Variants in GRID2 observed in about 807,000 individuals in gnomAD.
The protein encoded by GRID2 is glutamate receptor ionotropic, delta-2.
Under a neutral mutation model 114.8 loss-of-function variants are expected in GRID2, and 33 were observed. The observed-to-expected ratio is 0.29, with a 90% CI of 0.22 to 0.38. The LOEUF (loss-of-function observed/expected upper bound fraction) is 0.38, where lower values mean the gene tolerates loss of function less well. Ranked by LOEUF, GRID2 falls within the 10% of genes least tolerant of loss-of-function variation. The probability of loss-of-function intolerance (pLI) is 1.00; values close to 1 mark genes in which losing one functional copy is unlikely to be tolerated. For missense variants in GRID2, 1,184 were observed against 1,257.7 expected (o/e 0.94, Z 0.89); for synonymous variants, 505 against 449.9 (o/e 1.12, Z -1.55).
intron 2 of GRID2, among the ~76,000 whole-genome samples, chr4:92,738,436 C>G (rs1461651569): frequency 1.3e-5 from 2 of 152,020 alleles, no homozygotes; most frequent in Non-Finnish European, 2.9e-5. Context: ...GCAGTCCTTC[C>G]ATTTGTTTTA....
chr4:93,049,890 G>A (rs1406357808), intron 2 of GRID2, among the ~76,000 whole-genome samples: 1 of 151,872 alleles, frequency 6.6e-6, no homozygotes, highest in Non-Finnish European at 1.5e-5. Context: ...TTTATGCTCT[G>A]TTAATCACTA....
chr4:92,966,618 C>A (rs1040279749), intron 2 of GRID2, among the ~76,000 whole-genome samples: 7 of 151,874 alleles, frequency 4.6e-5, no homozygotes, highest in Admixed American at 2.0e-4. Flanking sequence ...CTCACAAGAT[C>A]TGATGTTTTC....
intron 3 of GRID2, among the ~76,000 whole-genome samples, chr4:93,107,877 A>C (rs927376133): frequency 2.0e-5 from 3 of 152,246 alleles, no homozygotes; most frequent in Admixed American, 1.3e-4. Flanking sequence ...CATCCACTTA[A>C]GGCAGATCCT....
chr4:93,333,140 G>A (rs1365324636), intron 8 of GRID2, among the ~76,000 whole-genome samples: 1 of 151,698 alleles, frequency 6.6e-6, no homozygotes, highest in African/African-American at 2.4e-5. Context: ...TGTCCCTTTA[G>A]GAAAGTAAAC....
At chr4:92,875,550 TAATA>T (rs1251289200) in intron 2 of GRID2, among the ~76,000 whole-genome samples, 2 of 152,210 alleles carry the variant, frequency 1.3e-5, no homozygotes, top group Admixed American at 6.5e-5. Context: ...TGGAAATGTT[TAATA>T]AATATAATTT....
At chr4:93,616,850 C>T (rs932229186) in intron 13 of GRID2, among the ~76,000 whole-genome samples, 1 of 150,758 alleles carries the variant, frequency 6.6e-6, no homozygotes, top group African/African-American at 2.4e-5. Flanking sequence ...AAAAAATTAG[C>T]CAGGCGTGGT....
chr4:92,983,803 C>T (rs1198492243), intron 2 of GRID2, among the ~76,000 whole-genome samples: 1 of 152,094 alleles, frequency 6.6e-6, no homozygotes, highest in Non-Finnish European at 1.5e-5. Context: ...TATAAGGGCA[C>T]ACTGAAATAA....
At chr4:93,732,255 G>A (rs942564238) in intron 14 of GRID2, among the ~76,000 whole-genome samples, 1 of 152,068 alleles carries the variant, frequency 6.6e-6, no homozygotes, top group Non-Finnish European at 1.5e-5. Context: ...TATTTCCAGG[G>A]CTTTCAGGTA....
intron 8 of GRID2, among the ~76,000 whole-genome samples, chr4:93,283,664 C>T (rs1009801797): frequency 1.3e-5 from 2 of 152,026 alleles, no homozygotes; most frequent in Non-Finnish European, 2.9e-5. Flanking sequence ...TAGGATGGTA[C>T]ACTGGTGCAA....
intron 1 of GRID2, among the ~76,000 whole-genome samples, chr4:92,436,999 T>C (rs1156809508): frequency 6.6e-6 from 1 of 152,160 alleles, no homozygotes; most frequent in African/African-American, 2.4e-5. Flanking sequence ...GCTATAACAA[T>C]TTTTAAACAA....
intron 2 of GRID2, among the ~76,000 whole-genome samples, chr4:93,042,268 TC>T (rs1432594381): frequency 1.5e-4 from 12 of 81,890 alleles, no homozygotes; most frequent in South Asian, 1.0e-3. Context: ...TCTCTCTCTC[TC>T]TCTCTTTCTC....
At chr4:93,108,224 A>G (rs1228219930) in intron 3 of GRID2, among the ~76,000 whole-genome samples, 1 of 152,224 alleles carries the variant, frequency 6.6e-6, no homozygotes, top group Admixed American at 6.5e-5. Flanking sequence ...CTACCAATGC[A>G]TTCATTGTTT....
chr4:93,485,415 T>G (rs1047284113), intron 11 of GRID2, among the ~76,000 whole-genome samples: 1 of 151,800 alleles, frequency 6.6e-6, no homozygotes, highest in Non-Finnish European at 1.5e-5. Flanking sequence ...TTCTTTTGTG[T>G]TAATGCATTT....
At chr4:92,825,349 G>C (rs1741619279) in intron 2 of GRID2, among the ~76,000 whole-genome samples, 1 of 152,096 alleles carries the variant, frequency 6.6e-6, no homozygotes, top group Non-Finnish European at 1.5e-5. Context: ...AAAACTCTTG[G>C]CCAGGTACCA....
chr4:93,026,329 T>C (rs563332943), intron 2 of GRID2, among the ~76,000 whole-genome samples: 1 of 151,860 alleles, frequency 6.6e-6, no homozygotes, highest in African/African-American at 2.4e-5. Context: ...CCTCACACAA[T>C]ACTCTTAGCA....
At chr4:92,395,235 T>C (rs1730435191) in intron 1 of GRID2, among the ~76,000 whole-genome samples, 1 of 151,722 alleles carries the variant, frequency 6.6e-6, no homozygotes, top group Non-Finnish European at 1.5e-5. Context: ...TTAAAAATTA[T>C]GATTTTGGAG....
At chr4:92,707,621 A>T (rs1735014706) in intron 2 of GRID2, among the ~76,000 whole-genome samples, 1 of 152,190 alleles carries the variant, frequency 6.6e-6, no homozygotes, top group Non-Finnish European at 1.5e-5. Context: ...AGAATGAAAG[A>T]GGCATTTGAG....
chr4:92,513,739 G>A (rs1256851601), intron 1 of GRID2, among the ~76,000 whole-genome samples: 1 of 151,856 alleles, frequency 6.6e-6, no homozygotes, highest in Non-Finnish European at 1.5e-5. Context: ...TCCTTGCATA[G>A]TGCTGGATAC....
At chr4:93,095,408 T>C (rs1367664807) in intron 3 of GRID2, among the ~76,000 whole-genome samples, 1 of 151,974 alleles carries the variant, frequency 6.6e-6, no homozygotes, top group African/African-American at 2.4e-5. Context: ...TATCAGAAAT[T>C]AAAAAGAATA....
Sources: allele counts gnomAD v4.1 joint callset (sites outside exome capture counted in the v4.1 genomes callset), GRCh38; gene constraint gnomAD v4.1.1; transcripts MANE v1.5; gene names NCBI Gene and HGNC (gene_info 2026-07-23, HGNC 2026-07-21).